ZNF618: variants seen among roughly 807,000 people sequenced by gnomAD.
ZNF618 encodes the protein neural precursor cell expressed, developmentally down-regulated 10.
Under a neutral mutation model 103.0 loss-of-function variants are expected in ZNF618, and 34 were observed. That is an observed-to-expected ratio of 0.33 (90% confidence interval 0.25 to 0.44). The LOEUF (loss-of-function observed/expected upper bound fraction) is 0.44, where lower values mean the gene tolerates loss of function less well. ZNF618 is among the 20% of genes least tolerant of loss of function. The probability of loss-of-function intolerance (pLI) is 1.00; values close to 1 mark genes in which losing one functional copy is unlikely to be tolerated. For missense variants in ZNF618, 1,059 were observed against 1,295.4 expected, an observed-to-expected ratio of 0.82 and a Z score of 2.80; for synonymous variants, 551 against 542.2, an observed-to-expected ratio of 1.02 and a Z score of -0.23.
intron 10 of ZNF618, among the ~76,000 whole-genome samples, chr9:114,026,839 G>T (rs1843541358): frequency 6.6e-6 from 1 of 152,158 alleles, no homozygotes; most frequent in Non-Finnish European, 1.5e-5. Context: ...GCTATGTGGA[G>T]AGGGTCATCC....
chr9:114,039,903 A>T (rs1844982539), intron 13 of ZNF618, among the ~76,000 whole-genome samples: 1 of 150,766 alleles, frequency 6.6e-6, no homozygotes, highest in African/African-American at 2.5e-5. Flanking sequence ...CCTTTATTCC[A>T]GCTTCGCATC....
rs1835636994 is a variant in ZNF618, at chr9:113,951,440, T to TGTGTGTATGTGTAC, written c.34-17677_34-17676insGTGTGTATGTGTAC. ...ACATATATGTGTGTGTGTATATATA[T>TGTGTGTATGTGTAC]ACATATATGTGTATATATACATATA... On this transcript the variant is annotated intron_variant, in intron 1 of 14. Coordinates refer to ENST00000374126, the MANE Select transcript of ZNF618 (RefSeq NM_001318042.2). Among the ~76,000 whole-genome samples, 30 of 29,464 alleles carry TGTGTGTATGTGTAC rather than the reference T, an allele frequency of 1.0e-3. 6 individuals are homozygous for TGTGTGTATGTGTAC. Among genetic ancestry groups the TGTGTGTATGTGTAC allele is most frequent in the African/African-American group, 1.8e-3 (20 of 11,066 alleles). 19.3% of individuals were successfully genotyped at this position (29,464 alleles called of 152,430 possible). A position where few individuals can be genotyped will look rare whatever the true frequency, so the allele number is the denominator to read the frequency against.
rs537035304 is a variant in ZNF618, at chr9:113,896,578, T to C, written c.33+20165T>C. ...ATTTCTGTTTTTAGGATTTATTTTTTGCTTGTATTCACACATTACATAAGC... is the reference window on the plus strand; with the variant it reads ...ATTTCTGTTTTTAGGATTTATTTTTCGCTTGTATTCACACATTACATAAGC... On this transcript the variant is annotated intron_variant, in intron 1 of 14. Transcript: ENST00000374126. 6.6e-5 allele frequency among the ~76,000 whole-genome samples: 10 copies of C among 152,156 alleles called. No individual in the cohort carries two copies. In the South Asian group the frequency reaches 2.1e-3, roughly 32 times the overall value.
intron 1 of ZNF618, among the ~76,000 whole-genome samples, chr9:113,919,596 G>T (rs1182032413): frequency 6.6e-6 from 1 of 152,222 alleles, no homozygotes; most frequent in Non-Finnish European, 1.5e-5. Flanking sequence ...GGCCTGGCAG[G>T]CCCCTGGGCC....
chr9:113,916,988 T>G (rs1004484627), intron 1 of ZNF618, among the ~76,000 whole-genome samples: 4 of 152,116 alleles, frequency 2.6e-5, no homozygotes, highest in Non-Finnish European at 5.9e-5. Flanking sequence ...TAATCTGGCA[T>G]CTTGTTCAGA....
chr9:113,945,258 C>T (rs947882646), intron 1 of ZNF618, among the ~76,000 whole-genome samples: 4 of 152,188 alleles, frequency 2.6e-5, no homozygotes, highest in Admixed American at 2.6e-4. Context: ...ACCATGTTTT[C>T]AGGTTAAATA....
intron 3 of ZNF618, among the ~76,000 whole-genome samples, chr9:113,997,106 CTTCT>C: frequency 6.8e-6 from 1 of 147,964 alleles, no homozygotes; most frequent in South Asian, 2.1e-4. Flanking sequence ...CTTCTTTTTT[CTTCT>C]TTCTTTCTTT....
Position 113,904,298 on chromosome 9 carries a change from A to G in ZNF618, c.33+27885A>G, listed in dbSNP as rs1564151375. Among the ~76,000 whole-genome samples the G allele has an allele frequency of 2.0e-5, 3 of 150,690 alleles. No individual in the cohort carries two copies. The South Asian group carries it at 6.3e-4, about 32-fold the overall frequency. On this transcript the variant is annotated intron_variant, in intron 1 of 14. Coordinates refer to ENST00000374126, the MANE Select transcript of ZNF618 (RefSeq NM_001318042.2). ...GTCTTTTTATATCTCCTGTGTCCCT[A>G]TAAGGTGATTATGTTTTTTTTCCTC...
At chr9:114,029,227 A>T (rs1843784124) in intron 11 of ZNF618, among the ~76,000 whole-genome samples, 1 of 151,958 alleles carries the variant, frequency 6.6e-6, no homozygotes, top group Non-Finnish European at 1.5e-5. Context: ...TTTTTTTTTT[A>T]AGTAGTAGAA....
chr9:113,956,148 G>A (rs916760431), intron 1 of ZNF618, among the ~76,000 whole-genome samples: 1 of 136,658 alleles, frequency 7.3e-6, no homozygotes, highest in African/African-American at 2.7e-5. Context: ...GGCAGAGGTT[G>A]CAGTGAGCCA....
intron 5 of ZNF618, 29 bp from the exon 6 acceptor site, chr9:114,002,595 C>G (rs756300425): frequency 6.3e-7 from 1 of 1,592,664 alleles, no homozygotes. Context: ...GGTAGCCCCA[C>G]CCCCATCCCT....
chr9:113,957,790 T>A (rs2132488067), intron 1 of ZNF618, among the ~76,000 whole-genome samples: 1 of 147,096 alleles, frequency 6.8e-6, no homozygotes, highest in East Asian at 2.1e-4. Flanking sequence ...TTTCTCTCCA[T>A]GAAGCAAAAG....
intron 1 of ZNF618, among the ~76,000 whole-genome samples, chr9:113,914,164 C>T (rs1259771707): frequency 6.6e-6 from 1 of 152,088 alleles, no homozygotes; most frequent in Non-Finnish European, 1.5e-5. Flanking sequence ...CTTTTTAAGG[C>T]GGTTGCTCCC....
intron 5 of ZNF618, among the ~76,000 whole-genome samples, chr9:114,002,385 G>T (rs925771973): frequency 6.6e-6 from 1 of 152,206 alleles, no homozygotes; most frequent in African/African-American, 2.4e-5. Flanking sequence ...GGCCCCCACA[G>T]GGCACTTGCT....
At chr9:113,958,213 G>T (rs1400565303) in intron 1 of ZNF618, among the ~76,000 whole-genome samples, 1 of 152,188 alleles carries the variant, frequency 6.6e-6, no homozygotes, top group Non-Finnish European at 1.5e-5. Flanking sequence ...CATAGGATTT[G>T]AAAATGTGGA....
At chr9:113,962,042 G>A (rs895226964) in intron 1 of ZNF618, among the ~76,000 whole-genome samples, 9 of 152,174 alleles carry the variant, frequency 5.9e-5, no homozygotes, top group Non-Finnish European at 1.3e-4. Flanking sequence ...GCCCCTCCAC[G>A]TGCTTGGTTA....
At chr9:113,921,649 C>G (rs1392840115) in intron 1 of ZNF618, among the ~76,000 whole-genome samples, 5 of 152,172 alleles carry the variant, frequency 3.3e-5, no homozygotes, top group Non-Finnish European at 1.5e-5. Context: ...GATGGGGAAA[C>G]AGAACATGAT....
At chr9:113,905,503 T>C (rs1467828000) in intron 1 of ZNF618, among the ~76,000 whole-genome samples, 1 of 152,236 alleles carries the variant, frequency 6.6e-6, no homozygotes, top group Non-Finnish European at 1.5e-5. Flanking sequence ...CCGTGGCTGC[T>C]TCCATTCCAC....
intron 1 of ZNF618, among the ~76,000 whole-genome samples, chr9:113,881,575 C>A (rs1415239500): frequency 2.6e-5 from 4 of 152,188 alleles, no homozygotes; most frequent in African/African-American, 9.7e-5. Flanking sequence ...TTTACTCCTA[C>A]AGTACATCTC....
Sources: allele counts gnomAD v4.1 joint callset (sites outside exome capture counted in the v4.1 genomes callset), GRCh38; gene constraint gnomAD v4.1.1; transcripts MANE v1.5; gene names NCBI Gene and HGNC (gene_info 2026-07-23, HGNC 2026-07-21).